FABP12: variants seen among roughly 807,000 people sequenced by gnomAD.
FABP12 encodes fatty acid-binding protein 12.
A neutral mutation model predicts 13.7 loss-of-function variants in FABP12; 19 were observed. The ratio of observed to expected loss-of-function variants is 1.39; its 90% confidence interval spans 0.97 to 2.04. The LOEUF is 2.04. Among genes scored for constraint, FABP12 ranks in the 30% most tolerant of loss-of-function variants. The pLI is 0.00. For missense variants in FABP12, 182 were observed against 164.2 expected (o/e 1.11, Z -0.59); for synonymous variants, 61 against 57.0 (o/e 1.07, Z -0.32).
At chr8:81,579,050 G>A (rs552747396) in intron 1 of FABP12, among the ~76,000 whole-genome samples, 19 of 150,598 alleles carry the variant, frequency 1.3e-4, no homozygotes, top group South Asian at 4.2e-4. Flanking sequence ...GGATAGTCTC[G>A]ATCTCCTGAC....
At chr8:81,553,293 C>T (rs1809552153) in intron 1 of FABP12, among the ~76,000 whole-genome samples, 1 of 152,134 alleles carries the variant, frequency 6.6e-6, no homozygotes, top group Non-Finnish European at 1.5e-5. Flanking sequence ...TCTATAATTT[C>T]TCAAAATCCC....
At chr8:81,577,108 A>G (rs1040102031) in intron 1 of FABP12, among the ~76,000 whole-genome samples, 18 of 152,228 alleles carry the variant, frequency 1.2e-4, no homozygotes, top group South Asian at 2.1e-4. Context: ...ACAATAAATA[A>G]ATACTATAGT....
intron 1 of FABP12, among the ~76,000 whole-genome samples, chr8:81,532,197 A>G (rs1402323012): frequency 6.6e-6 from 1 of 152,236 alleles, no homozygotes; most frequent in African/African-American, 2.4e-5. Context: ...AGGGGACTCC[A>G]AATGCTAAGT....
At chr8:81,589,510 G>A (rs111553138) in intron 1 of FABP12, among the ~76,000 whole-genome samples, 3,845 of 152,052 alleles carry the variant, frequency 0.025, 125 homozygotes, top group African/African-American at 0.077. Context: ...CCTCCCCCTG[G>A]CCCCACTCCT....
chr8:81,560,769 C>T (rs1411353834), intron 1 of FABP12, among the ~76,000 whole-genome samples: 1 of 152,124 alleles, frequency 6.6e-6, no homozygotes, highest in Non-Finnish European at 1.5e-5. Flanking sequence ...ATTGAGTTCC[C>T]CCAGGAGCAC....
chr8:81,553,901 C>A (rs1809565468), intron 1 of FABP12, among the ~76,000 whole-genome samples: 1 of 152,112 alleles, frequency 6.6e-6, no homozygotes, highest in South Asian at 2.1e-4. Flanking sequence ...TCCCTTGCAA[C>A]ATAACAAGGG....
chr8:81,587,462 T>C (rs1415642604), intron 1 of FABP12, among the ~76,000 whole-genome samples: 1 of 152,158 alleles, frequency 6.6e-6, no homozygotes, highest in African/African-American at 2.4e-5. Context: ...CATCTCTGAT[T>C]TCTCTGAACA....
At chr8:81,563,473 C>A (rs1340602756) in intron 1 of FABP12, among the ~76,000 whole-genome samples, 1 of 152,086 alleles carries the variant, frequency 6.6e-6, no homozygotes, top group Non-Finnish European at 1.5e-5. Flanking sequence ...CCTGGAGAGA[C>A]AGAAATACAT....
At chr8:81,569,732 T>A (rs901999722) in intron 1 of FABP12, among the ~76,000 whole-genome samples, 2 of 152,226 alleles carry the variant, frequency 1.3e-5, no homozygotes, top group African/African-American at 4.8e-5. Flanking sequence ...TATTTACCCT[T>A]GTTGTTAAAC....
intron 1 of FABP12, among the ~76,000 whole-genome samples, chr8:81,543,042 T>TA (rs1218578541): frequency 1.3e-5 from 2 of 152,216 alleles, no homozygotes; most frequent in Non-Finnish European, 2.9e-5. Flanking sequence ...AAAAGCTTTA[T>TA]AAAATATTCT....
intron 1 of FABP12, among the ~76,000 whole-genome samples, chr8:81,565,642 C>A (rs1176107934): frequency 2.0e-5 from 3 of 151,882 alleles, no homozygotes; most frequent in Admixed American, 2.0e-4. Context: ...AATGGAAGCA[C>A]AAGATACCAA....
chr8:81,565,905 T>C (rs1809811372), intron 1 of FABP12, among the ~76,000 whole-genome samples: 2 of 151,658 alleles, frequency 1.3e-5, no homozygotes, highest in African/African-American at 2.4e-5. Flanking sequence ...AAAATATTAA[T>C]AAAATCAACA....
chr8:81,584,889 T>C (rs72686407), intron 1 of FABP12, among the ~76,000 whole-genome samples: 2,395 of 152,304 alleles, frequency 0.016, 22 homozygotes, highest in Non-Finnish European at 0.024. Context: ...TGCATTTCTC[T>C]GATGGTTAGT....
chr8:81,576,486 A>G (rs1224920104), intron 1 of FABP12, among the ~76,000 whole-genome samples: 2 of 151,928 alleles, frequency 1.3e-5, no homozygotes, highest in African/African-American at 4.8e-5. Flanking sequence ...GTTCTATGTT[A>G]TATATAACAC....
chr8:81,554,033 A>C (rs1407000937), intron 1 of FABP12, among the ~76,000 whole-genome samples: 1 of 152,192 alleles, frequency 6.6e-6, no homozygotes, highest in Non-Finnish European at 1.5e-5. Flanking sequence ...CCTGTAGCTT[A>C]AATCCACCCC....
At chr8:81,585,420 C>A (rs1321714733) in intron 1 of FABP12, among the ~76,000 whole-genome samples, 1 of 152,070 alleles carries the variant, frequency 6.6e-6, no homozygotes, top group Non-Finnish European at 1.5e-5. Flanking sequence ...TCTGAATTCT[C>A]TATTCTGTTC....
chr8:81,579,423 A>G (rs1352113834), intron 1 of FABP12, among the ~76,000 whole-genome samples: 3 of 152,224 alleles, frequency 2.0e-5, no homozygotes, highest in Non-Finnish European at 4.4e-5. Flanking sequence ...AGTTTCAAAT[A>G]AAAATATGTA....
At chr8:81,566,815 C>T (rs998966515) in intron 1 of FABP12, among the ~76,000 whole-genome samples, 2 of 152,096 alleles carry the variant, frequency 1.3e-5, no homozygotes, top group Non-Finnish European at 2.9e-5. Flanking sequence ...CTAGAGCAAT[C>T]AGACGGGAGA....
intron 2 of FABP12, among the ~76,000 whole-genome samples, chr8:81,539,399 A>G (rs1446849354): frequency 1.4e-5 from 2 of 138,760 alleles, no homozygotes; most frequent in Non-Finnish European, 3.1e-5. Flanking sequence ...TCTGAAGTTC[A>G]TGTAAGAAAA....
Sources: allele counts gnomAD v4.1 joint callset (sites outside exome capture counted in the v4.1 genomes callset), GRCh38; gene constraint gnomAD v4.1.1; transcripts MANE v1.5; gene names NCBI Gene and HGNC (gene_info 2026-07-23, HGNC 2026-07-21).